Variants in NRXN3 observed in about 807,000 individuals in gnomAD.
The protein encoded by NRXN3 is neurexin III.
Under a neutral mutation model 137.6 loss-of-function variants are expected in NRXN3, and 32 were observed. That is an observed-to-expected ratio of 0.23 (90% CI 0.18 to 0.31). NRXN3 has a LOEUF of 0.31. Ranked by LOEUF, NRXN3 falls within the 10% of genes least tolerant of loss-of-function variation. The pLI is 1.00. For missense variants in NRXN3, 1,574 were observed against 2,062.5 expected (o/e 0.76, Z 4.59); for synonymous variants, 798 against 784.5 (o/e 1.02, Z -0.29).
chr14:78,276,196 C>T (rs545866595), intron 2 of NRXN3, among the ~76,000 whole-genome samples: 1 of 152,176 alleles, frequency 6.6e-6, no homozygotes, highest in East Asian at 1.9e-4. Flanking sequence ...ACATACAGGA[C>T]TAGAACTATG....
At chr14:79,584,105 C>G (rs2097744788) in intron 16 of NRXN3, among the ~76,000 whole-genome samples, 2 of 147,862 alleles carry the variant, frequency 1.4e-5, no homozygotes, top group Non-Finnish European at 3.0e-5. Flanking sequence ...ATAATTTTTT[C>G]TCCTGGACAT....
intron 1 of NRXN3, among the ~76,000 whole-genome samples, chr14:78,220,506 G>C (rs941401653): frequency 2.0e-5 from 3 of 152,182 alleles, no homozygotes; most frequent in Admixed American, 2.0e-4. Flanking sequence ...AGGGACATGT[G>C]GGGGCAGAAG....
chr14:79,244,358 C>T (rs1398878482), intron 15 of NRXN3, among the ~76,000 whole-genome samples: 2 of 152,136 alleles, frequency 1.3e-5, no homozygotes, highest in Non-Finnish European at 2.9e-5. Flanking sequence ...TGAGCATTTT[C>T]TTTTACATTC....
intron 8 of NRXN3, among the ~76,000 whole-genome samples, chr14:78,783,826 G>A (rs2098778952): frequency 6.6e-6 from 1 of 152,062 alleles, no homozygotes; most frequent in South Asian, 2.1e-4. Context: ...GTACCAGATA[G>A]AAGGCCATGG....
At chr14:78,580,535 C>G (rs1313153597) in intron 4 of NRXN3, among the ~76,000 whole-genome samples, 1 of 152,210 alleles carries the variant, frequency 6.6e-6, no homozygotes, top group African/African-American at 2.4e-5. Context: ...CCCTCCCTCT[C>G]TCCATCACCA....
At chr14:78,270,467 T>G (rs534228767) in intron 2 of NRXN3, among the ~76,000 whole-genome samples, 1 of 152,180 alleles carries the variant, frequency 6.6e-6, no homozygotes, top group Non-Finnish European at 1.5e-5. Context: ...GCAGTGCCCA[T>G]CTGCTATGAG....
At chr14:79,158,580 T>C (rs1004969383) in intron 15 of NRXN3, among the ~76,000 whole-genome samples, 3 of 152,030 alleles carry the variant, frequency 2.0e-5, no homozygotes, top group South Asian at 4.1e-4. Flanking sequence ...TATTGAGGTA[T>C]GTGGATTTAT....
At chr14:78,846,674 T>C (rs953821472) in intron 10 of NRXN3, among the ~76,000 whole-genome samples, 1 of 152,038 alleles carries the variant, frequency 6.6e-6, no homozygotes, top group Non-Finnish European at 1.5e-5. Flanking sequence ...TGAGGTGATC[T>C]CAGATCCTAG....
chr14:78,780,402 TTTC>T (rs2098764856), intron 8 of NRXN3, among the ~76,000 whole-genome samples: 1 of 152,130 alleles, frequency 6.6e-6, no homozygotes, highest in South Asian at 2.1e-4. Flanking sequence ...ATGGGAAAGA[TTTC>T]TTAAAAGAAG....
At chr14:78,771,253 G>A (rs1355671027) in intron 8 of NRXN3, among the ~76,000 whole-genome samples, 1 of 152,152 alleles carries the variant, frequency 6.6e-6, no homozygotes, top group Non-Finnish European at 1.5e-5. Context: ...GGAAGATTTA[G>A]TGCTGCTCTT....
At chr14:78,518,481 A>C (rs1304716154) in intron 4 of NRXN3, among the ~76,000 whole-genome samples, 1 of 152,136 alleles carries the variant, frequency 6.6e-6, no homozygotes, top group Non-Finnish European at 1.5e-5. Context: ...AAAATAGAAA[A>C]AAAGTGAGGT....
intron 15 of NRXN3, among the ~76,000 whole-genome samples, chr14:79,089,707 G>A (rs530639623): frequency 4.0e-5 from 6 of 151,742 alleles, no homozygotes; most frequent in South Asian, 2.1e-4. Flanking sequence ...CCATGGAGAC[G>A]ATGACTGCAG....
chr14:78,994,658 A>G (rs1281322473), intron 15 of NRXN3, among the ~76,000 whole-genome samples: 1 of 152,238 alleles, frequency 6.6e-6, no homozygotes, highest in African/African-American at 2.4e-5. Flanking sequence ...CATTAATTTA[A>G]TTGGCTCTAG....
intron 10 of NRXN3, among the ~76,000 whole-genome samples, chr14:78,844,214 C>T (rs1596416394): frequency 6.6e-6 from 1 of 152,130 alleles, no homozygotes; most frequent in Non-Finnish European, 1.5e-5. Flanking sequence ...CTGCTTCTCT[C>T]TCCGTCTAAC....
intron 16 of NRXN3, among the ~76,000 whole-genome samples, chr14:79,499,289 G>A (rs2096796996): frequency 6.6e-6 from 1 of 152,110 alleles, no homozygotes; most frequent in Non-Finnish European, 1.5e-5. Flanking sequence ...TGTCAAACAT[G>A]CCTGGTTTGT....
intron 19 of NRXN3, among the ~76,000 whole-genome samples, chr14:79,775,092 T>C (rs974860899): frequency 1.1e-4 from 16 of 152,124 alleles, no homozygotes; most frequent in African/African-American, 3.6e-4. Flanking sequence ...AAGAGCAAGA[T>C]AGTATTGATC....
chr14:78,907,888 TG>T (rs2099223298), intron 10 of NRXN3, among the ~76,000 whole-genome samples: 1 of 152,048 alleles, frequency 6.6e-6, no homozygotes, highest in African/African-American at 2.4e-5. Context: ...AGAGAACATG[TG>T]GTATTTGGTT....
chr14:78,650,148 T>C (rs901704507), intron 5 of NRXN3, among the ~76,000 whole-genome samples: 1 of 152,160 alleles, frequency 6.6e-6, no homozygotes, highest in African/African-American at 2.4e-5. Flanking sequence ...GACTACCTTT[T>C]AGTTTTGAAT....
At chr14:78,838,543 T>A (rs192323367) in intron 10 of NRXN3, among the ~76,000 whole-genome samples, 2 of 152,218 alleles carry the variant, frequency 1.3e-5, no homozygotes. Flanking sequence ...TCTTGAGAGG[T>A]TTGTACTATT....
Sources: allele counts gnomAD v4.1 joint callset (sites outside exome capture counted in the v4.1 genomes callset), GRCh38; gene constraint gnomAD v4.1.1; transcripts MANE v1.5; gene names NCBI Gene and HGNC (gene_info 2026-07-23, HGNC 2026-07-21).